VWA5A: variants seen among roughly 807,000 people sequenced by gnomAD.
The protein encoded by VWA5A is von Willebrand factor A domain-containing protein 5A.
Under a neutral mutation model 84.6 loss-of-function variants are expected in VWA5A, and 77 were observed. That is an observed-to-expected ratio of 0.91 (90% CI 0.76 to 1.10). The LOEUF is 1.10. VWA5A is among the 50% of genes least tolerant of loss of function. VWA5A has a pLI of 0.00. For synonymous variants in VWA5A, 334 were observed against 350.1 expected, an observed-to-expected ratio of 0.95 and a Z score of 0.51; for missense variants, 973 against 963.0, an observed-to-expected ratio of 1.01 and a Z score of -0.14.
chr11:124,118,604 A>T lies in VWA5A; in HGVS notation c.541A>T (p.Ser181Cys), dbSNP rs1406667909. 6.2e-7 allele frequency: 1 copy of T among 1,614,214 alleles called. No individual in the cohort carries two copies. The change falls in exon 6 of 19, where the codon AGC becomes TGC. Residue 181 changes from serine to cysteine, a missense_variant. Physicochemically the swap from Ser to Cys is moderately radical, Grantham distance 112. Coordinates refer to ENST00000456829, the MANE Select transcript of VWA5A (RefSeq NM_001130142.2). ...TGTGGAGGACCTGCCCTACACACTC[A>T]GCATGGTCGCCACCATAGATTCCCA... is the stretch of plus-strand genomic sequence containing the variant. ...VPVEDLPYTL[S>C]MVATIDSQHG... is the part of the protein sequence containing the mutation.
intron 12 of VWA5A, 82 bp from the exon 13 acceptor site, chr11:124,136,047 T>C: frequency 6.7e-7 from 1 of 1,484,078 alleles, no homozygotes; most frequent in Non-Finnish European, 9.3e-7. Flanking sequence ...GTATCACATC[T>C]GATACATAAT....
At chr11:124,118,936 A>G in intron 6 of VWA5A, 39 bp from the exon 7 acceptor site, 2 of 1,596,360 alleles carry the variant, frequency 1.3e-6, no homozygotes, top group Non-Finnish European at 1.7e-6. Flanking sequence ...GCAAGAAGTT[A>G]TGATTCTAAT....
rs1864878159 is a variant in VWA5A at position 124,118,584 on chromosome 11, A to C, written c.521A>C (p.Glu174Ala). 6.2e-7 allele frequency: 1 copy of C among 1,614,184 alleles called. No homozygotes were observed. Among genetic ancestry groups the C allele is most frequent in the East Asian group, 2.2e-5 (1 of 44,876 alleles). Reference sequence around the variant, plus strand: ...GTGAAGACTCCTATAGTCCCTGTGGAGGACCTGCCCTACACACTCAGCATG... The same window carrying C: ...GTGAAGACTCCTATAGTCCCTGTGGCGGACCTGCCCTACACACTCAGCATG... Reference protein sequence around the residue: ...LNVKTPIVPVEDLPYTLSMVA... With the variant: ...LNVKTPIVPVADLPYTLSMVA... Residue 174 changes from glutamate to alanine, a missense_variant, in exon 6 of 19, where the codon GAG (glutamate) becomes GCG (alanine). Transcript: ENST00000456829.
At chr11:124,130,554 ATCTG>A (rs1403263776) in intron 11 of VWA5A, among the ~76,000 whole-genome samples, 2 of 152,096 alleles carry the variant, frequency 1.3e-5, no homozygotes, top group Non-Finnish European at 2.9e-5. Flanking sequence ...TGTCTCATTG[ATCTG>A]TCTAATATTG....
At chr11:124,125,919 C>T (rs995568278) in intron 11 of VWA5A, among the ~76,000 whole-genome samples, 14 of 152,208 alleles carry the variant, frequency 9.2e-5, no homozygotes, top group Admixed American at 2.6e-4. Context: ...GTTAAAAAGT[C>T]TTTCCCTATC....
chr11:124,136,814 ATTAGATTTC>A (rs945169608), intron 14 of VWA5A, 140 bp downstream of exon 14: 9 of 910,242 alleles, frequency 9.9e-6, no homozygotes, highest in Non-Finnish European at 1.4e-5. Flanking sequence ...ATCTTTGGGG[ATTAGATTTC>A]TTCTCTTAAT....
chr11:124,118,267 G>T lies in VWA5A; in HGVS notation c.325G>T (p.Val109Phe). 8.7e-6 allele frequency: 14 copies of T among 1,614,224 alleles called. No individual in the cohort carries two copies. Among genetic ancestry groups the T allele is most frequent in the African/African-American group, 1.3e-5 (1 of 75,064 alleles). Residue 109 changes from valine (V) to phenylalanine (F), a missense_variant, in exon 5 of 19, where the codon GTC becomes TTC. Physicochemically the swap from Val to Phe is conservative, Grantham distance 50. Transcript: ENST00000456829. ...LLEGDSSSRDVFSCNVGNLQP... is the reference protein window; with the variant it reads ...LLEGDSSSRDFFSCNVGNLQP... ...GGAGGGGGACAGCAGCTCCAGGGAT[G>T]TCTTCTCTTGCAATGTGGGTAACCT...
chr11:124,141,841 T>A, intron 16 of VWA5A, 100 bp downstream of exon 16: 3 of 1,465,910 alleles, frequency 2.0e-6, no homozygotes, highest in Non-Finnish European at 1.8e-6. Flanking sequence ...TGACAAGAGA[T>A]GCATGTTTCT....
intron 17 of VWA5A, among the ~76,000 whole-genome samples, chr11:124,142,903 A>G (rs1477480382): frequency 6.6e-6 from 1 of 152,230 alleles, no homozygotes; most frequent in East Asian, 1.9e-4. Flanking sequence ...TGTGCCAAGC[A>G]CTGTGCTAAG....
intron 11 of VWA5A, among the ~76,000 whole-genome samples, chr11:124,128,785 C>G (rs1295763653): frequency 6.6e-6 from 1 of 152,122 alleles, no homozygotes; most frequent in Admixed American, 6.6e-5. Flanking sequence ...CTCTGTTTGT[C>G]TATTATTGGT....
rs748052012 is a variant in VWA5A, at chr11:124,123,817, A to G, written c.1164+13A>G. ...CCACCCCCTACAGGTAAGAAGTGGA[A>G]CAGAGCTAACAGAAGAGACAGGAAG... On this transcript the variant is annotated intron_variant, in intron 10 of 18. Coordinates refer to ENST00000456829, the MANE Select transcript of VWA5A (RefSeq NM_001130142.2). 2.6e-6 allele frequency: 4 copies of G among 1,541,766 alleles called. No individual in the cohort carries two copies. The highest frequency in any genetic ancestry group is 1.8e-4 in the Middle Eastern group (1 of 5,684).
intron 11 of VWA5A, among the ~76,000 whole-genome samples, chr11:124,129,957 G>GT (rs1448041712): frequency 6.6e-6 from 1 of 152,014 alleles, no homozygotes; most frequent in African/African-American, 2.4e-5. Context: ...TTTTTGAAGG[G>GT]TTTTTTCTGT....
At chr11:124,138,943 G>T (rs990383523) in intron 15 of VWA5A, among the ~76,000 whole-genome samples, 2 of 152,070 alleles carry the variant, frequency 1.3e-5, no homozygotes, top group African/African-American at 4.8e-5. Flanking sequence ...ATTTGAGTTG[G>T]TTTTTCTATG....
In VWA5A at chr11:124,136,583, A is replaced by G. The variant is rs1384743803; in HGVS notation, c.1534A>G (p.Thr512Ala). The stretch of plus-strand genomic sequence containing the variant: ...CATCTCTAATTTGCAGGCAGCAGAG[A>G]CAACAGGAGAAGTATGCCTCAAATA... ...QLTGRMPAAETTGEVCLKYTL... is the reference protein window; with the variant it reads ...QLTGRMPAAEATGEVCLKYTL... Residue 512 changes from threonine (T) to alanine (A), a missense_variant, in exon 14 of 19, where the codon ACA becomes GCA. Physicochemically the swap from Thr to Ala is moderately conservative, Grantham distance 58. Coordinates refer to ENST00000456829, the MANE Select transcript of VWA5A (RefSeq NM_001130142.2). The G allele has an allele frequency of 6.2e-7, 1 of 1,614,126 alleles. No homozygotes were observed. Among genetic ancestry groups the G allele is most frequent in the Admixed American group, 1.7e-5 (1 of 60,022 alleles).
In VWA5A at chr11:124,141,671, G is replaced by A; in HGVS notation, c.1953G>A (p.Lys651=). Residue 651 remains lysine, a synonymous_variant, in exon 16 of 19, where the codon AAG becomes AAA. Transcript: ENST00000456829. The part of the protein sequence containing the change: ...SQPRGELMCY[K]AKTFQMDDYS... ...CCAGAGGGGAACTTATGTGTTATAA[G>A]GCCAAGACATTCCAGATGGACGATT... 6.2e-7 allele frequency: 1 copy of A among 1,614,126 alleles called. No homozygotes were observed. Among genetic ancestry groups the A allele is most frequent in the South Asian group, 1.1e-5 (1 of 91,062 alleles).
Position 124,136,114 on chromosome 11 carries a change from T to G in VWA5A, c.1360-15T>G, listed in dbSNP as rs1381920074. On this transcript the variant is annotated splice_polypyrimidine_tract_variant and intron_variant, in intron 12 of 18. Transcript: ENST00000456829. ...TGTATCATTTGTGTTTATTCTGTTC[T>G]CTTCCCCACATTAGGCTCTCAGGAC... The G allele has an allele frequency of 1.9e-6, 3 of 1,612,432 alleles. No individual in the cohort carries two copies. Among genetic ancestry groups the G allele is most frequent in the Admixed American group, 3.3e-5 (2 of 59,952 alleles).
At chr11:124,138,001 G>C (rs1248678103) in intron 15 of VWA5A, among the ~76,000 whole-genome samples, 1 of 152,188 alleles carries the variant, frequency 6.6e-6, no homozygotes, top group Non-Finnish European at 1.5e-5. Context: ...TGGGACTACA[G>C]GTGCATGCCA....
At position 124,142,477 on chromosome 11, in the gene VWA5A, C is replaced by CA; in HGVS notation, c.2060dup (p.His687GlnfsTer12). ...GAATCACCTTGTGCAGCTGATTTAC[C>CA]ACCAAAATGCAAATGGTTCCTGGGA... On this transcript the variant is annotated frameshift_variant, in exon 17 of 19. Transcript: ENST00000456829. LOFTEE classifies it high-confidence loss of function. The CA allele has an allele frequency of 6.2e-7, 1 of 1,614,138 alleles. No homozygotes were observed. The highest frequency in any genetic ancestry group is 1.3e-5 in the African/African-American group (1 of 75,010).
chr11:124,122,082 T>G (rs577645615), intron 7 of VWA5A, among the ~76,000 whole-genome samples: 4 of 152,368 alleles, frequency 2.6e-5, no homozygotes, highest in South Asian at 4.1e-4. Flanking sequence ...AGCCAGATTC[T>G]ATTGTCATAC....
Sources: allele counts gnomAD v4.1 joint callset (sites outside exome capture counted in the v4.1 genomes callset), GRCh38; gene constraint gnomAD v4.1.1; transcripts MANE v1.5; gene names NCBI Gene and HGNC (gene_info 2026-07-23, HGNC 2026-07-21).